SP140L: variants seen among roughly 807,000 people sequenced by gnomAD.
SP140L encodes the protein SP140 like nuclear body protein.
A neutral mutation model predicts 84.3 loss-of-function variants in SP140L; 64 were observed. That is an observed-to-expected ratio of 0.76 (90% confidence interval 0.62 to 0.94). The LOEUF is 0.94. SP140L is among the 40% of genes least tolerant of loss of function. The probability of loss-of-function intolerance (pLI) is 0.00; values close to 1 mark genes in which losing one functional copy is unlikely to be tolerated. For missense variants in SP140L, 628 were observed against 692.5 expected (o/e 0.91, Z 1.05); for synonymous variants, 242 against 236.9 (o/e 1.02, Z -0.20).
At chr2:230,401,314 T>C (rs934960535) in intron 16 of SP140L, 52 bp from the exon 17 acceptor site, 1 of 1,610,620 alleles carries the variant, frequency 6.2e-7, no homozygotes, top group Non-Finnish European at 8.5e-7. Flanking sequence ...CTCATGCATG[T>C]GGGCTCATTC....
chr2:230,383,902 G>C (rs1045338224), intron 8 of SP140L, among the ~76,000 whole-genome samples: 1 of 152,120 alleles, frequency 6.6e-6, no homozygotes, highest in Non-Finnish European at 1.5e-5. Context: ...CAAGGTGTAT[G>C]TGTATGTGTG....
intron 2 of SP140L, among the ~76,000 whole-genome samples, chr2:230,353,504 T>C (rs1040451754): frequency 1.1e-4 from 17 of 152,116 alleles, no homozygotes; most frequent in African/African-American, 3.1e-4. Context: ...ACATTTGTCC[T>C]ATTATTTGTT....
At chr2:230,341,866 C>T (rs868317196) in intron 2 of SP140L, among the ~76,000 whole-genome samples, 5 of 151,942 alleles carry the variant, frequency 3.3e-5, no homozygotes, top group South Asian at 2.1e-4. Flanking sequence ...TCTCCAGCTG[C>T]GTGCTGGGAG....
intron 2 of SP140L, 79 bp from the exon 3 acceptor site, chr2:230,357,726 T>C: frequency 7.1e-7 from 1 of 1,417,398 alleles, no homozygotes; most frequent in Non-Finnish European, 9.7e-7. Context: ...AGCTTATCCG[T>C]TATACATAAA....
At chr2:230,374,284 C>T (rs947740254) in intron 7 of SP140L, among the ~76,000 whole-genome samples, 3 of 150,810 alleles carry the variant, frequency 2.0e-5, no homozygotes, top group Non-Finnish European at 2.9e-5. Context: ...CCACTGCACT[C>T]CAGCCTGGGC....
At chr2:230,351,694 C>T (rs897865115) in intron 2 of SP140L, among the ~76,000 whole-genome samples, 32 of 152,222 alleles carry the variant, frequency 2.1e-4, no homozygotes, top group African/African-American at 7.5e-4. Context: ...TCACCCAGCC[C>T]AGAGTGCAGT....
At chr2:230,385,467 T>C (rs1422316397) in intron 9 of SP140L, among the ~76,000 whole-genome samples, 163 bp downstream of exon 9, 1 of 152,180 alleles carries the variant, frequency 6.6e-6, no homozygotes, top group Non-Finnish European at 1.5e-5. Context: ...GAGTTGTAAG[T>C]TGATTGTATT....
chr2:230,374,719 C>A (rs910345872), intron 7 of SP140L, among the ~76,000 whole-genome samples: 1 of 152,108 alleles, frequency 6.6e-6, no homozygotes, highest in Non-Finnish European at 1.5e-5. Flanking sequence ...CCTTTACCAG[C>A]AAAGAAATTA....
At chr2:230,377,558 A>G (rs2061282909) in intron 7 of SP140L, among the ~76,000 whole-genome samples, 1 of 152,168 alleles carries the variant, frequency 6.6e-6, no homozygotes, top group Non-Finnish European at 1.5e-5. Context: ...ATAGGCATTG[A>G]GGTGTTTCCA....
chr2:230,337,950 T>C (rs1459688903), intron 2 of SP140L, among the ~76,000 whole-genome samples: 2 of 151,568 alleles, frequency 1.3e-5, no homozygotes, highest in African/African-American at 4.9e-5. Flanking sequence ...CTTTGTTCTT[T>C]TGGCTTAGGA....
In SP140L at chr2:230,383,473, CCT is replaced by C. The variant is rs777218389; in HGVS notation, c.638-34_638-33del. 7.1e-6 allele frequency: 11 copies of C among 1,545,176 alleles called. No homozygotes were observed. The South Asian group carries it at 1.3e-4, about 19-fold the overall frequency. On this transcript the variant is annotated intron_variant, in intron 7 of 18. Coordinates refer to ENST00000415673, the MANE Select transcript of SP140L (RefSeq NM_138402.6). ...TAAAGCTCAAATAATTATATTTATT[CCT>C]CTGTATAATTAACTTTATTCTCTTT... is the stretch of plus-strand genomic sequence containing the variant.
intron 7 of SP140L, among the ~76,000 whole-genome samples, chr2:230,376,537 G>A (rs994046694): frequency 2.0e-5 from 3 of 152,090 alleles, no homozygotes; most frequent in Non-Finnish European, 4.4e-5. Flanking sequence ...TGAAATATTT[G>A]CACACTGACA....
intron 2 of SP140L, among the ~76,000 whole-genome samples, chr2:230,344,619 C>A (rs139977822): frequency 1.3e-5 from 2 of 152,086 alleles, no homozygotes; most frequent in Admixed American, 1.3e-4. Context: ...AGTGTCACTG[C>A]GCTGTGTACT....
intron 1 of SP140L, among the ~76,000 whole-genome samples, chr2:230,328,390 C>T (rs112196074): frequency 6.6e-6 from 1 of 152,096 alleles, no homozygotes; most frequent in Non-Finnish European, 1.5e-5. Context: ...TTTGTGTTCT[C>T]GTTTTGTAAT....
intron 13 of SP140L, among the ~76,000 whole-genome samples, chr2:230,395,544 C>T (rs917297838): frequency 6.6e-6 from 1 of 152,030 alleles, no homozygotes; most frequent in African/African-American, 2.4e-5. Flanking sequence ...TTTATCATGG[C>T]ATTCTAGCCT....
chr2:230,393,283 C>G, intron 12 of SP140L, 131 bp from the exon 13 acceptor site: 1 of 956,024 alleles, frequency 1.0e-6, no homozygotes, highest in South Asian at 1.7e-5. Flanking sequence ...GATGGTTTCT[C>G]ATTCAGACAC....
intron 2 of SP140L, among the ~76,000 whole-genome samples, chr2:230,340,225 G>C (rs535601594): frequency 1.2e-3 from 179 of 151,476 alleles, no homozygotes; most frequent in African/African-American, 4.2e-3. Flanking sequence ...TTGTTGAATT[G>C]ATCCCTTTAC....
intron 11 of SP140L, among the ~76,000 whole-genome samples, chr2:230,391,067 C>A (rs373225342): frequency 1.3e-5 from 2 of 152,176 alleles, no homozygotes; most frequent in African/African-American, 4.8e-5. Flanking sequence ...TACTTCATTT[C>A]TTTTCTTGAT....
intron 7 of SP140L, chr2:230,372,723 T>TAAA (rs2061121906): frequency 2.9e-5 from 1 of 34,432 alleles, no homozygotes; most frequent in African/African-American, 1.2e-4. Flanking sequence ...AGACTCCGTC[T>TAAA]CAAAAAAAAA....
Sources: allele counts gnomAD v4.1 joint callset (sites outside exome capture counted in the v4.1 genomes callset), GRCh38; gene constraint gnomAD v4.1.1; transcripts MANE v1.5; gene names NCBI Gene and HGNC (gene_info 2026-07-23, HGNC 2026-07-21).